Variants in BANP observed in about 807,000 individuals in gnomAD.
The protein encoded by BANP is protein BANP.
A neutral mutation model predicts 68.1 loss-of-function variants in BANP; 11 were observed. The observed-to-expected ratio is 0.16, with a 90% CI of 0.10 to 0.27. The LOEUF is 0.27. BANP is among the 10% of genes least tolerant of loss of function. BANP has a pLI of 1.00. For missense variants in BANP, 504 were observed against 722.7 expected (o/e 0.70, Z 3.47); for synonymous variants, 329 against 303.2 (o/e 1.09, Z -0.88).
chr16:88,027,669 G>T lies in BANP; in HGVS notation c.1063+19G>T, dbSNP rs1249624013. 4 of 1,611,846 alleles carry T rather than the reference G, an allele frequency of 2.5e-6. No individual in the cohort carries two copies. The South Asian group carries it at 4.4e-5, about 18-fold the overall frequency. Reference sequence around the variant, plus strand: ...CCTTCAGGTAGGCCTCGTGCTGCAGGAGAGGCCGCCCTCCCCCGCTCGGGG... The same window carrying T: ...CCTTCAGGTAGGCCTCGTGCTGCAGTAGAGGCCGCCCTCCCCCGCTCGGGG... On this transcript the variant is annotated intron_variant, in intron 8 of 13. Coordinates refer to ENST00000682872, the MANE Select transcript of BANP (RefSeq NM_001386991.1).
intron 12 of BANP, among the ~76,000 whole-genome samples, chr16:88,069,574 G>A (rs921380162): frequency 6.6e-6 from 1 of 152,132 alleles, no homozygotes; most frequent in Non-Finnish European, 1.5e-5. Flanking sequence ...GGTGCTTCCT[G>A]TATGGACGCT....
At chr16:87,978,609 G>C (rs968351144) in intron 2 of BANP, 5 of 469,974 alleles carry the variant, frequency 1.1e-5, no homozygotes, top group African/African-American at 1.0e-4. Context: ...CTGCCTGTGA[G>C]GAGTCATGAG....
At chr16:87,973,551 G>T (rs373228609) in intron 1 of BANP, among the ~76,000 whole-genome samples, 1 of 151,896 alleles carries the variant, frequency 6.6e-6, no homozygotes. Flanking sequence ...ACCTGAGGTC[G>T]GGAGTTCAAG....
At position 88,074,226 on chromosome 16, in the gene BANP, G is replaced by A. The variant is rs868863252; in HGVS notation, c.1521+2014G>A. Among the ~76,000 whole-genome samples the A allele has an allele frequency of 2.0e-5, 3 of 152,306 alleles. No homozygotes were observed. In the South Asian group the frequency reaches 6.2e-4, roughly 32 times the overall value. The stretch of plus-strand genomic sequence containing the variant: ...CACATGAAGCCCCCACCCCAGTCAT[G>A]CTTGGGAATGGTCTTGCATCTTGCA... On this transcript the variant is annotated intron_variant, in intron 13 of 13. Transcript: ENST00000682872.
intron 11 of BANP, among the ~76,000 whole-genome samples, chr16:88,039,617 C>T (rs114265636): frequency 0.073 from 10,354 of 141,748 alleles, 1,497 homozygotes; most frequent in African/African-American, 0.17. Flanking sequence ...TGTATTACTG[C>T]AGTGCTTCTG....
intron 11 of BANP, among the ~76,000 whole-genome samples, chr16:88,058,637 T>A (rs751569607): frequency 3.3e-5 from 5 of 151,450 alleles, no homozygotes; most frequent in Non-Finnish European, 5.9e-5. Context: ...CTCTAAGGAG[T>A]CGCAGCCCCA....
At chr16:87,971,508 TTC>T (rs2061119245) in intron 1 of BANP, among the ~76,000 whole-genome samples, 1 of 152,196 alleles carries the variant, frequency 6.6e-6, no homozygotes, top group Non-Finnish European at 1.5e-5. Flanking sequence ...CCTTTTTTTT[TTC>T]TGTTGGAGTT....
chr16:87,958,434 C>T (rs1209709419), intron 1 of BANP, among the ~76,000 whole-genome samples: 1 of 152,162 alleles, frequency 6.6e-6, no homozygotes, highest in Non-Finnish European at 1.5e-5. Context: ...CAGTCGAGAG[C>T]GTGGAAACCA....
chr16:88,076,845 A>T lies in BANP; in HGVS notation c.*184A>T. 1 of 584,880 alleles carries T rather than the reference A, an allele frequency of 1.7e-6. No individual in the cohort carries two copies. Among genetic ancestry groups the T allele is most frequent in the South Asian group, 2.1e-5 (1 of 46,930 alleles). 36.2% of individuals were successfully genotyped at this position (584,880 alleles called of 1,614,324 possible). On this transcript the variant is annotated 3_prime_UTR_variant, in exon 14 of 14. Coordinates refer to ENST00000682872, the MANE Select transcript of BANP (RefSeq NM_001386991.1). ...TGAAAGAGCAGCCGCCGCCGCCCCC[A>T]GCCGGAGACCCCTTTCGTTTGAGTC...
At chr16:88,054,250 G>A (rs1313528417) in intron 11 of BANP, among the ~76,000 whole-genome samples, 16 of 79,320 alleles carry the variant, frequency 2.0e-4, no homozygotes, top group East Asian at 5.6e-4. Flanking sequence ...CACCAACACA[G>A]TCACCTTCAC....
At chr16:87,999,080 G>A (rs9931629) in intron 4 of BANP, among the ~76,000 whole-genome samples, 4 of 131,990 alleles carry the variant, frequency 3.0e-5, no homozygotes, top group Middle Eastern at 5.4e-3. Flanking sequence ...ATGCACGCAC[G>A]TGCGCGGCTG....
At position 88,057,507 on chromosome 16, in the gene BANP, G is replaced by A. The variant is rs1257448668; in HGVS notation, c.1312-7760G>A. On this transcript the variant is annotated intron_variant, in intron 11 of 13. Coordinates refer to ENST00000682872, the MANE Select transcript of BANP (RefSeq NM_001386991.1). The surrounding 1 kb of genome is among the most constrained non-coding windows in gnomAD (Gnocchi z 4.6). ...GTTCACCTCGTCAGAGTCAAGAAAC[G>A]AGGAGTGAAAAACACCCCTCAGGTC... Among the ~76,000 whole-genome samples, 1 of 152,020 alleles carries A rather than the reference G, an allele frequency of 6.6e-6. No homozygotes were observed. Among genetic ancestry groups the A allele is most frequent in the Non-Finnish European group, 1.5e-5 (1 of 68,016 alleles).
At chr16:88,061,617 G>C (rs1030481651) in intron 11 of BANP, among the ~76,000 whole-genome samples, 1 of 152,114 alleles carries the variant, frequency 6.6e-6, no homozygotes, top group Non-Finnish European at 1.5e-5. Flanking sequence ...TTTTAGGCCA[G>C]TTGGGGGCAT....
At chr16:87,968,529 G>C (rs1376580083) in intron 1 of BANP, among the ~76,000 whole-genome samples, 2 of 150,198 alleles carry the variant, frequency 1.3e-5, no homozygotes, top group Non-Finnish European at 3.0e-5. Context: ...AATAATCTTT[G>C]CTTCTGGTTC....
intron 12 of BANP, among the ~76,000 whole-genome samples, chr16:88,069,530 C>A (rs2089757426): frequency 6.6e-6 from 1 of 152,154 alleles, no homozygotes; most frequent in African/African-American, 2.4e-5. Flanking sequence ...CCGCTATGGA[C>A]GGTGGTGGCC....
intron 7 of BANP, among the ~76,000 whole-genome samples, chr16:88,026,740 A>G (rs1354802224): frequency 6.6e-6 from 1 of 151,918 alleles, no homozygotes; most frequent in African/African-American, 2.4e-5. Flanking sequence ...TACATACTTC[A>G]ATTCTCCAAA....
rs138985255 is a variant in BANP, at chr16:88,057,491, G to C, written c.1312-7776G>C. 1.3e-5 allele frequency among the ~76,000 whole-genome samples: 2 copies of C among 152,082 alleles called. No individual in the cohort carries two copies. Among genetic ancestry groups the C allele is most frequent in the Admixed American group, 6.5e-5 (1 of 15,282 alleles). ...GCGGTCCCCTCCACGTGTTCACCTC[G>C]TCAGAGTCAAGAAACGAGGAGTGAA... On this transcript the variant is annotated intron_variant, in intron 11 of 13. Transcript: ENST00000682872. The surrounding 1 kb of genome is among the most constrained non-coding windows in gnomAD (Gnocchi z 4.6).
At chr16:88,041,016 C>G (rs552809089) in intron 11 of BANP, among the ~76,000 whole-genome samples, 1 of 152,234 alleles carries the variant, frequency 6.6e-6, no homozygotes, top group Non-Finnish European at 1.5e-5. Flanking sequence ...TTCCCTCTTC[C>G]GGCCATCCGT....
rs1480640807 is a variant in BANP at position 88,004,158 on chromosome 16, A to G, written c.363-137A>G. ...CAGGACGGGTCCCTGGGAGTGGACT[A>G]TGTTGAATGACTCTTAGGCCTCCCC... is the stretch of plus-strand genomic sequence containing the variant. On this transcript the variant is annotated intron_variant, in intron 4 of 13. Coordinates refer to ENST00000682872, the MANE Select transcript of BANP (RefSeq NM_001386991.1). The surrounding 1 kb of genome is among the most constrained non-coding windows in gnomAD (Gnocchi z 7.0). The G allele has an allele frequency of 1.2e-5, 8 of 673,422 alleles. No individual in the cohort carries two copies. Among genetic ancestry groups the G allele is most frequent in the Non-Finnish European group, 1.9e-5 (7 of 372,266 alleles). 41.7% of individuals were successfully genotyped at this position (673,422 alleles called of 1,614,324 possible). A position where few individuals can be genotyped will look rare whatever the true frequency, so the allele number is the denominator to read the frequency against.
Sources: allele counts gnomAD v4.1 joint callset (sites outside exome capture counted in the v4.1 genomes callset), GRCh38; gene constraint gnomAD v4.1.1; non-coding constraint Gnocchi (gnomAD v3.1); transcripts MANE v1.5; gene names NCBI Gene and HGNC (gene_info 2026-07-23, HGNC 2026-07-21).